Variants in CHRM3 observed in about 807,000 individuals in gnomAD.
CHRM3 encodes cholinergic receptor muscarinic 3.
Under a neutral mutation model 41.8 loss-of-function variants are expected in CHRM3, and 11 were observed. The ratio of observed to expected loss-of-function variants is 0.26; its 90% CI spans 0.17 to 0.44. CHRM3 has a LOEUF of 0.44. CHRM3 is among the 20% of genes least tolerant of loss of function. The pLI is 1.00. For missense variants in CHRM3, 571 were observed against 745.4 expected, an observed-to-expected ratio of 0.77 and a Z score of 2.72; for synonymous variants, 297 against 301.4, an observed-to-expected ratio of 0.99 and a Z score of 0.15.
chr1:239,607,794 T>A (rs1666518580), intron 3 of CHRM3, among the ~76,000 whole-genome samples: 1 of 152,224 alleles, frequency 6.6e-6, no homozygotes, highest in Non-Finnish European at 1.5e-5. Context: ...GAAGTCTTTT[T>A]TTAATGCAAG....
At chr1:239,776,597 G>A (rs1049277224) in intron 5 of CHRM3, among the ~76,000 whole-genome samples, 2 of 152,074 alleles carry the variant, frequency 1.3e-5, no homozygotes, top group Non-Finnish European at 2.9e-5. Context: ...GAAGGAATCC[G>A]TCCATGGGAA....
intron 2 of CHRM3, among the ~76,000 whole-genome samples, chr1:239,523,422 T>G (rs1669785762): frequency 6.6e-6 from 1 of 152,158 alleles, no homozygotes; most frequent in Admixed American, 6.5e-5. Flanking sequence ...GGAAAATAAT[T>G]TCTCAGCAGT....
chr1:239,885,743 C>T (rs918742255), intron 6 of CHRM3, among the ~76,000 whole-genome samples: 1 of 152,162 alleles, frequency 6.6e-6, no homozygotes, highest in Non-Finnish European at 1.5e-5. Flanking sequence ...CTGCGCTGAC[C>T]TTCCCCTTCA....
chr1:239,758,894 G>A (rs1357394737), intron 5 of CHRM3, among the ~76,000 whole-genome samples: 5 of 152,128 alleles, frequency 3.3e-5, no homozygotes, highest in African/African-American at 1.2e-4. Flanking sequence ...GTGAGACAGG[G>A]GTGCGATTTC....
chr1:239,559,791 A>G (rs1660692260), intron 3 of CHRM3, among the ~76,000 whole-genome samples: 1 of 152,210 alleles, frequency 6.6e-6, no homozygotes, highest in South Asian at 2.1e-4. Context: ...CACTGGAGTT[A>G]TGGAATTAAT....
rs869143310 is a variant in CHRM3, at chr1:239,708,736, C to CTTTTTTT, written c.-147+30469_-147+30475dup. On this transcript the variant is annotated intron_variant, in intron 5 of 6. Transcript: ENST00000676153. ...CTTTGTTTCTTCTGGTTTAAATTTT[C>CTTTTTTT]TTTTTTTTTTTTTTTTTTTTTTTTT... Among the ~76,000 whole-genome samples the CTTTTTTT allele has an allele frequency of 1.6e-3, 75 of 48,346 alleles. 6 individuals carry two copies. Among genetic ancestry groups the CTTTTTTT allele is most frequent in the East Asian group, 2.4e-3 (3 of 1,272 alleles). 31.7% of individuals were successfully genotyped at this position (48,346 alleles called of 152,430 possible). A position where few individuals can be genotyped will look rare whatever the true frequency, so the allele number is the denominator to read the frequency against.
At chr1:239,442,128 A>G (rs755967425) in intron 1 of CHRM3, among the ~76,000 whole-genome samples, 13 of 148,304 alleles carry the variant, frequency 8.8e-5, no homozygotes, top group Admixed American at 2.7e-4. Context: ...CATTAAAGAC[A>G]GTTTAAATAT....
chr1:239,899,833 C>T (rs1334242459), intron 6 of CHRM3: 3 of 152,218 alleles, frequency 2.0e-5, no homozygotes, highest in Admixed American at 6.5e-5. Context: ...AGTAACCATT[C>T]CCTGAATGTT....
At chr1:239,868,820 T>A (rs1378201698) in intron 6 of CHRM3, among the ~76,000 whole-genome samples, 2 of 152,214 alleles carry the variant, frequency 1.3e-5, no homozygotes, top group African/African-American at 4.8e-5. Context: ...CCTTGGCTTG[T>A]AGTAGGCACT....
intron 1 of CHRM3, among the ~76,000 whole-genome samples, chr1:239,390,459 C>T (rs952717949): frequency 4.6e-5 from 7 of 152,270 alleles, no homozygotes; most frequent in Admixed American, 1.3e-4. Context: ...GTCTGAAAGG[C>T]CCTATCTTCT....
At chr1:239,442,892 G>T (rs1455362342) in intron 1 of CHRM3, among the ~76,000 whole-genome samples, 1 of 152,164 alleles carries the variant, frequency 6.6e-6, no homozygotes, top group East Asian at 1.9e-4. Context: ...AGTTGTTCCT[G>T]TGCGCGAGCC....
At chr1:239,528,377 G>A (rs1670145349) in intron 2 of CHRM3, among the ~76,000 whole-genome samples, 1 of 152,180 alleles carries the variant, frequency 6.6e-6, no homozygotes, top group African/African-American at 2.4e-5. Flanking sequence ...TGCTTTCCAT[G>A]GATCCTTTCT....
At position 239,440,280 on chromosome 1, in the gene CHRM3, A is replaced by T. The variant is rs1419430875; in HGVS notation, c.-520-52429A>T. ...TAAATTTACATATAAGCCAAACTGT[A>T]GAAGGTGGTTCTTGAAAATGAGTCA... On this transcript the variant is annotated intron_variant, in intron 1 of 6. Coordinates refer to ENST00000676153, the MANE Select transcript of CHRM3 (RefSeq NM_001375978.1). Among the ~76,000 whole-genome samples, 8 of 151,538 alleles carry T rather than the reference A, an allele frequency of 5.3e-5. No homozygotes were observed. The South Asian group carries it at 8.3e-4, about 16-fold the overall frequency.
At chr1:239,443,592 G>A (rs933034481) in intron 1 of CHRM3, among the ~76,000 whole-genome samples, 6 of 152,124 alleles carry the variant, frequency 3.9e-5, no homozygotes, top group African/African-American at 1.4e-4. Context: ...TGGAAAGCTG[G>A]AAATAATAAA....
intron 3 of CHRM3, among the ~76,000 whole-genome samples, chr1:239,631,529 C>G (rs760511688): frequency 5.3e-5 from 8 of 152,228 alleles, no homozygotes; most frequent in Non-Finnish European, 1.0e-4. Flanking sequence ...ACCCTCTGAA[C>G]TCAGCCACAT....
chr1:239,793,920 C>T (rs941285125), intron 5 of CHRM3, among the ~76,000 whole-genome samples: 3 of 141,090 alleles, frequency 2.1e-5, no homozygotes, highest in African/African-American at 8.0e-5. Flanking sequence ...TCAAATTTTC[C>T]TCCTACCTCA....
intron 2 of CHRM3, among the ~76,000 whole-genome samples, chr1:239,497,952 A>G (rs1667990450): frequency 6.6e-6 from 1 of 152,292 alleles, no homozygotes; most frequent in African/African-American, 2.4e-5. Context: ...ACCTGAGCAA[A>G]TCAACAGCTA....
At chr1:239,563,251 A>G (rs959209935) in intron 3 of CHRM3, among the ~76,000 whole-genome samples, 2 of 152,038 alleles carry the variant, frequency 1.3e-5, no homozygotes, top group Non-Finnish European at 2.9e-5. Flanking sequence ...CTTAGTTTAT[A>G]TAATCAAAAT....
chr1:239,741,628 G>A (rs186226618), intron 5 of CHRM3, among the ~76,000 whole-genome samples: 15 of 152,158 alleles, frequency 9.9e-5, no homozygotes, highest in African/African-American at 3.6e-4. Context: ...ATAAATGAAA[G>A]GATTTCCACC....
Sources: gnomAD v4.1 joint callset for allele counts (sites outside exome capture counted in the v4.1 genomes callset) on GRCh38, gnomAD v4.1.1 for gene constraint, MANE v1.5 for transcripts, NCBI Gene and HGNC (gene_info 2026-07-23, HGNC 2026-07-21) for gene names.